The following DIAPH1 variants were observed in gnomAD, a reference collection of about 807,000 sequenced individuals.
DIAPH1 encodes the protein diaphanous related formin 1, also known as protein diaphanous homolog 1.
A neutral mutation model predicts 140.7 loss-of-function variants in DIAPH1; 46 were observed. That is an observed-to-expected ratio of 0.33 (90% CI 0.26 to 0.42). DIAPH1 has a LOEUF of 0.42. Among genes scored for constraint, DIAPH1 ranks in the 10% least tolerant of loss-of-function variants. The pLI is 1.00. For missense variants in DIAPH1, 1,310 were observed against 1,558.7 expected (o/e 0.84, Z 2.69); for synonymous variants, 565 against 551.6 (o/e 1.02, Z -0.34).
At chr5:141,528,431 G>A (rs2099887710) in intron 23 of DIAPH1, 22 bp downstream of exon 23, 2 of 1,614,022 alleles carry the variant, frequency 1.2e-6, no homozygotes, top group Non-Finnish European at 1.7e-6. Flanking sequence ...TTGGGCTCTA[G>A]CTTCATTCCA....
chr5:141,609,243 A>G (rs1198198489), intron 1 of DIAPH1, among the ~76,000 whole-genome samples: 1 of 151,986 alleles, frequency 6.6e-6, no homozygotes, highest in Non-Finnish European at 1.5e-5. Context: ...TTTCCTGCCA[A>G]CTGAACTCTA....
At chr5:141,586,533 C>G (rs752490474) in intron 3 of DIAPH1, among the ~76,000 whole-genome samples, 3 of 152,222 alleles carry the variant, frequency 2.0e-5, no homozygotes, top group Non-Finnish European at 4.4e-5. Flanking sequence ...AAGTAAGTCA[C>G]ATGCACATAT....
Position 141,573,626 on chromosome 5 carries a change from G to C in DIAPH1, c.2224C>G (p.Pro742Ala), listed in dbSNP as rs199749212. 788 of 1,613,728 alleles carry C rather than the reference G, an allele frequency of 4.9e-4. 1 individual carries two copies. The highest frequency in any genetic ancestry group is 6.3e-4 in the Non-Finnish European group (748 of 1,179,954). Reference sequence around the variant, plus strand: ...GGTGGAGGCATACCCATTCCGGGTGGAGGTGGAGGAATGCCAGGGCCTCCG... The same window carrying C: ...GGTGGAGGCATACCCATTCCGGGTGCAGGTGGAGGAATGCCAGGGCCTCCG... ...FPGGPGIPPP[P>A]PGMGMPPPPP... The change falls in exon 16 of 28, where the codon CCA (proline) becomes GCA (alanine). Residue 742 changes from proline to alanine, a missense_variant. Pro to Ala is a conservative substitution (Grantham distance 27). Coordinates refer to ENST00000389054, the MANE Select transcript of DIAPH1 (RefSeq NM_005219.5).
At chr5:141,573,453 AAAAG>A (rs755952027) in intron 16 of DIAPH1, 35 bp downstream of exon 16, 1 of 1,598,262 alleles carries the variant, frequency 6.3e-7, no homozygotes, top group Non-Finnish European at 8.5e-7. Flanking sequence ...AAAAAAAAAA[AAAAG>A]ATTGACTGGT....
At chr5:141,559,041 G>A (rs2099893102) in intron 18 of DIAPH1, among the ~76,000 whole-genome samples, 1 of 152,126 alleles carries the variant, frequency 6.6e-6, no homozygotes, top group African/African-American at 2.4e-5. Flanking sequence ...ATCTCTCCAG[G>A]AAATAACTTT....
chr5:141,559,093 G>C (rs1394117094), intron 18 of DIAPH1, among the ~76,000 whole-genome samples: 1 of 152,122 alleles, frequency 6.6e-6, no homozygotes, highest in Non-Finnish European at 1.5e-5. Context: ...AGTTCACCTA[G>C]CATACAATAA....
Position 141,618,846 on chromosome 5 carries a change from T to G in DIAPH1, c.69A>C (p.Pro23=), listed in dbSNP as rs568307383. 3 of 1,544,040 alleles carry G rather than the reference T, an allele frequency of 1.9e-6. No homozygotes were observed. Among genetic ancestry groups the G allele is most frequent in the Non-Finnish European group, 2.6e-6 (3 of 1,144,518 alleles). Residue 23 remains proline (P), a synonymous_variant, in exon 1 of 28, where the codon CCA becomes CCC. Transcript: ENST00000389054. The part of the protein sequence containing the change: ...GTRDKKKGRS[P]DELPSAGGDG... ...CGCCGCCCGCCGAGGGCAGCTCATC[T>G]GGGCTCCGGCCCTTCTTCTTGTCCC...
At chr5:141,618,728 A>AG in intron 1 of DIAPH1, 70 bp downstream of exon 1, 1 of 1,158,420 alleles carries the variant, frequency 8.6e-7, no homozygotes, top group East Asian at 2.8e-5. Flanking sequence ...CAGGCGCCCC[A>AG]GGGGCCGGCT....
chr5:141,537,483 C>CAAAAA (rs34323841), intron 18 of DIAPH1, among the ~76,000 whole-genome samples: 77 of 36,968 alleles, frequency 2.1e-3, no homozygotes, highest in African/African-American at 9.8e-3. Context: ...AACTCCGTCT[C>CAAAAA]AAAAAAAAAA....
intron 7 of DIAPH1, chr5:141,582,087 A>T: frequency 1.1e-5 from 4 of 365,028 alleles, no homozygotes; most frequent in Admixed American, 4.4e-5. Context: ...AAAAAAAAAA[A>T]GAGAGAGAAA....
intron 1 of DIAPH1, among the ~76,000 whole-genome samples, chr5:141,598,655 G>C (rs988559987): frequency 1.3e-5 from 2 of 151,706 alleles, no homozygotes; most frequent in African/African-American, 4.8e-5. Flanking sequence ...ACCATCTACA[G>C]GAAATTAGAA....
Position 141,526,344 on chromosome 5 carries a change from C to G in DIAPH1, c.3391G>C (p.Val1131Leu). The G allele has an allele frequency of 6.2e-7, 1 of 1,614,198 alleles. No homozygotes were observed. The highest frequency in any genetic ancestry group is 8.5e-7 in the Non-Finnish European group (1 of 1,180,042). ...YFLFDPKKLS[V>L]EEFFMDLHNF... ...TGAAGATCCATGAAAAATTCTTCAA[C>G]AGACAACTTCTTGGGGTCAAAGAGG... The change falls in exon 25 of 28, where the codon GTT (valine) becomes CTT (leucine). Residue 1131 changes from valine (V) to leucine (L), a missense_variant. By Grantham distance (32) the Val-to-Leu change is conservative (BLOSUM62 1). Around this residue, in one of 3 missense-constraint regions of DIAPH1, gnomAD observed 344 missense variants for 512.2 expected, o/e 0.67. Transcript: ENST00000389054.
At chr5:141,587,637 A>T (rs957993295) in intron 2 of DIAPH1, among the ~76,000 whole-genome samples, 1 of 152,200 alleles carries the variant, frequency 6.6e-6, no homozygotes, top group African/African-American at 2.4e-5. Context: ...ATTTTAATAG[A>T]TACAAGCCAA....
intron 4 of DIAPH1, 42 bp from the exon 5 acceptor site, chr5:141,583,657 A>T (rs533351694): frequency 6.2e-7 from 1 of 1,613,008 alleles, no homozygotes; most frequent in East Asian, 2.2e-5. Flanking sequence ...TGGTGGACCC[A>T]GTCATAAATT....
chr5:141,599,373 T>C (rs2154597037), intron 1 of DIAPH1, among the ~76,000 whole-genome samples: 1 of 152,304 alleles, frequency 6.6e-6, no homozygotes, highest in East Asian at 1.9e-4. Context: ...TAAGGCTAAG[T>C]TGTAATAGAC....
chr5:141,598,336 A>G (rs185411473), intron 1 of DIAPH1, among the ~76,000 whole-genome samples: 2 of 152,338 alleles, frequency 1.3e-5, no homozygotes, highest in East Asian at 3.9e-4. Context: ...TAAATGTCTA[A>G]AGGTCATTAG....
At chr5:141,590,367 G>A (rs894380174) in intron 1 of DIAPH1, among the ~76,000 whole-genome samples, 61 of 152,280 alleles carry the variant, frequency 4.0e-4, no homozygotes, top group African/African-American at 1.3e-3. Flanking sequence ...CCATGAGAAA[G>A]GGTCCACGGA....
At chr5:141,579,889 A>G (rs2099896486) in intron 8 of DIAPH1, among the ~76,000 whole-genome samples, 1 of 151,186 alleles carries the variant, frequency 6.6e-6, no homozygotes, top group Non-Finnish European at 1.5e-5. Flanking sequence ...AGGAGTTTGC[A>G]GTGGGCCGAG....
intron 1 of DIAPH1, among the ~76,000 whole-genome samples, chr5:141,608,849 C>T (rs527810569): frequency 6.6e-6 from 1 of 152,222 alleles, no homozygotes; most frequent in Non-Finnish European, 1.5e-5. Flanking sequence ...GAATACCAAA[C>T]GTCAAATTTA....
Sources: allele counts gnomAD v4.1 joint callset (sites outside exome capture counted in the v4.1 genomes callset), GRCh38; gene constraint gnomAD v4.1.1; regional missense constraint gnomAD v4.1.1; transcripts MANE v1.5; gene names NCBI Gene and HGNC (gene_info 2026-07-23, HGNC 2026-07-21).